The following OPCML variants were observed in gnomAD, a reference collection of about 807,000 sequenced individuals.
OPCML encodes the protein opioid-binding protein/cell adhesion molecule.
A neutral mutation model predicts 37.8 loss-of-function variants in OPCML; 13 were observed. That is an observed-to-expected ratio of 0.34 (90% CI 0.22 to 0.55). OPCML has a LOEUF of 0.55. Ranked by LOEUF, OPCML falls within the 20% of genes least tolerant of loss-of-function variation. The pLI is 0.91. For synonymous variants in OPCML, 176 were observed against 168.8 expected, an observed-to-expected ratio of 1.04 and a Z score of -0.33; for missense variants, 341 against 435.6, an observed-to-expected ratio of 0.78 and a Z score of 1.93.
At chr11:132,929,241 C>G (rs950727562) in intron 2 of OPCML, among the ~76,000 whole-genome samples, 1 of 151,606 alleles carries the variant, frequency 6.6e-6, no homozygotes, top group Non-Finnish European at 1.5e-5. Flanking sequence ...ATTCAAATAA[C>G]TAAAATCACA....
intron 1 of OPCML, among the ~76,000 whole-genome samples, chr11:133,153,701 G>A (rs899800440): frequency 6.6e-6 from 1 of 152,118 alleles, no homozygotes; most frequent in Non-Finnish European, 1.5e-5. Flanking sequence ...TTTTCCCTGG[G>A]CCTCCACTTT....
At chr11:133,016,956 CT>C (rs1452820601) in intron 1 of OPCML, among the ~76,000 whole-genome samples, 2 of 152,174 alleles carry the variant, frequency 1.3e-5, no homozygotes, top group African/African-American at 4.8e-5. Flanking sequence ...GAGGGTAATG[CT>C]CTGAAATATG....
Position 133,221,090 on chromosome 11 carries a change from G to T in OPCML, c.62-278080C>A, listed in dbSNP as rs146064224. Among the ~76,000 whole-genome samples the T allele has an allele frequency of 3.9e-5, 6 of 152,298 alleles. No homozygotes were observed. In the East Asian group the frequency reaches 1.2e-3, roughly 29 times the overall value. On this transcript the variant is annotated intron_variant, in intron 1 of 7. Transcript: ENST00000524381. ...GTAATGCTCAGAGGCCTTCTTGAGT[G>T]CAGCTGCTCTCTCTTTATATGACAC...
rs73588525 is a variant in OPCML at position 133,004,980 on chromosome 11, T to C, written c.62-61970A>G. 3,417 of 985,348 alleles carry C rather than the reference T, an allele frequency of 3.5e-3. 78 individuals are homozygous for C. The African/African-American group carries it at 0.055, about 16-fold the overall frequency. 61.0% of individuals were successfully genotyped at this position (985,348 alleles called of 1,614,324 possible). A position where few individuals can be genotyped will look rare whatever the true frequency, so the allele number is the denominator to read the frequency against. ...AGTCTACATCATGGTCCTTCCCACC[T>C]GGACTGCTGCACTCTTACTCCTCCC... On this transcript the variant is annotated intron_variant, in intron 1 of 7. Transcript: ENST00000524381.
chr11:132,599,263 G>C (rs1346981126), intron 3 of OPCML, among the ~76,000 whole-genome samples: 1 of 151,964 alleles, frequency 6.6e-6, no homozygotes, highest in Non-Finnish European at 1.5e-5. Context: ...TCCAGCCTGG[G>C]TGACAGACCA....
chr11:132,530,714 G>A (rs2096322674), intron 3 of OPCML, among the ~76,000 whole-genome samples: 1 of 151,546 alleles, frequency 6.6e-6, no homozygotes, highest in Admixed American at 6.6e-5. Context: ...CCTTCTGCAT[G>A]ACCTGAGCTC....
chr11:133,098,553 TC>T (rs1328594610), intron 1 of OPCML, among the ~76,000 whole-genome samples: 1 of 152,112 alleles, frequency 6.6e-6, no homozygotes, highest in Non-Finnish European at 1.5e-5. Context: ...ATGCTATTCA[TC>T]ACATCAACAG....
chr11:133,241,030 C>G (rs938578297), intron 1 of OPCML, among the ~76,000 whole-genome samples: 23 of 152,292 alleles, frequency 1.5e-4, no homozygotes, highest in African/African-American at 5.5e-4. Flanking sequence ...AGTTGAGGAA[C>G]TAGGCAGAGA....
At chr11:132,773,075 A>T (rs1946696784) in intron 2 of OPCML, 1 of 152,190 alleles carries the variant, frequency 6.6e-6, no homozygotes, top group African/African-American at 2.4e-5. Flanking sequence ...AGACCTAGGG[A>T]GGGGCAGAGC....
intron 1 of OPCML, among the ~76,000 whole-genome samples, chr11:133,249,264 C>A (rs900529046): frequency 2.0e-5 from 3 of 151,916 alleles, no homozygotes; most frequent in African/African-American, 4.8e-5. Flanking sequence ...GAAGGCAAAG[C>A]GGATTAGGCA....
At chr11:133,514,603 A>C (rs976436350) in intron 1 of OPCML, among the ~76,000 whole-genome samples, 2 of 152,192 alleles carry the variant, frequency 1.3e-5, no homozygotes, top group African/African-American at 4.8e-5. Context: ...ATTTAGGACA[A>C]TTCTCACTTT....
intron 2 of OPCML, among the ~76,000 whole-genome samples, chr11:132,794,683 C>T (rs74690330): frequency 1.2e-3 from 189 of 152,242 alleles, no homozygotes; most frequent in Non-Finnish European, 2.0e-3. Flanking sequence ...TGCAAATAAC[C>T]ACCTCCTACA....
chr11:132,648,101 T>C (rs183645771), intron 3 of OPCML, among the ~76,000 whole-genome samples: 42 of 152,338 alleles, frequency 2.8e-4, no homozygotes, highest in African/African-American at 7.5e-4. Context: ...AAGACATCAC[T>C]ATTCTGAATT....
chr11:133,292,142 T>A (rs1306404672), intron 1 of OPCML, among the ~76,000 whole-genome samples: 1 of 152,120 alleles, frequency 6.6e-6, no homozygotes, highest in African/African-American at 2.4e-5. Flanking sequence ...TTCTGACACA[T>A]AAGGGCCCTT....
intron 1 of OPCML, among the ~76,000 whole-genome samples, chr11:133,143,528 GAAC>G (rs146020868): frequency 0.011 from 1,671 of 152,278 alleles, 30 homozygotes; most frequent in African/African-American, 0.039. Flanking sequence ...TGTGAGAAAG[GAAC>G]AACAATTTTT....
intron 3 of OPCML, among the ~76,000 whole-genome samples, chr11:132,631,743 T>G (rs539622154): frequency 6.6e-6 from 1 of 152,154 alleles, no homozygotes; most frequent in African/African-American, 2.4e-5. Flanking sequence ...TTTTGAAAAC[T>G]TACCCTATGA....
In OPCML at chr11:132,420,277, A is replaced by G. The variant is rs754952757; in HGVS notation, c.933T>C (p.Ile311=). The change falls in exon 8 of 8, where the codon ATT becomes ATC. Residue 311 remains isoleucine, a synonymous_variant. Transcript: ENST00000524381. The stretch of plus-strand genomic sequence containing the variant: ...CTCTGGAGGCCGAGTTTACACCATC[A>G]ATGACTGCTCCAGGCCCTGTGTAGG... ...SITLYGPGAV[I]DGVNSASRAL... 1 of 1,613,828 alleles carries G rather than the reference A, an allele frequency of 6.2e-7. No individual in the cohort carries two copies. Among genetic ancestry groups the G allele is most frequent in the South Asian group, 1.1e-5 (1 of 91,068 alleles).
chr11:132,657,846 T>C lies in OPCML; in HGVS notation c.147-527A>G, dbSNP rs570951588. ...AGCCTGCAAACTACAATTTATAACATAGGTTGGTAAAATTCACCTTAGAAA... is the reference window on the plus strand; with the variant it reads ...AGCCTGCAAACTACAATTTATAACACAGGTTGGTAAAATTCACCTTAGAAA... On this transcript the variant is annotated intron_variant, in intron 2 of 7. Coordinates refer to ENST00000524381, the MANE Select transcript of OPCML (RefSeq NM_001012393.5). Among the ~76,000 whole-genome samples, 402 of 152,314 alleles carry C rather than the reference T, an allele frequency of 2.6e-3. 3 individuals carry two copies. Among genetic ancestry groups the C allele is most frequent in the African/African-American group, 9.3e-3 (385 of 41,570 alleles).
chr11:132,799,701 C>T (rs899659318), intron 2 of OPCML, among the ~76,000 whole-genome samples: 7 of 151,026 alleles, frequency 4.6e-5, no homozygotes, highest in Non-Finnish European at 1.0e-4. Flanking sequence ...CATAGGCTTG[C>T]TCAATGCAGG....
Sources: allele counts gnomAD v4.1 joint callset (sites outside exome capture counted in the v4.1 genomes callset), GRCh38; gene constraint gnomAD v4.1.1; transcripts MANE v1.5; gene names NCBI Gene and HGNC (gene_info 2026-07-23, HGNC 2026-07-21).